FYB2: variants seen among roughly 807,000 people sequenced by gnomAD.
The protein encoded by FYB2 is FYN binding protein 2.
FYB2 carries 103 observed loss-of-function variants against 94.1 expected under a neutral mutation model. The ratio of observed to expected loss-of-function variants is 1.09; its 90% CI spans 0.93 to 1.29. The LOEUF (loss-of-function observed/expected upper bound fraction) is 1.29, where lower values mean the gene tolerates loss of function less well. FYB2 is among the 50% of genes most tolerant of loss of function. The pLI is 0.00. For synonymous variants in FYB2, 293 were observed against 287.9 expected (o/e 1.02, Z -0.18); for missense variants, 896 against 841.5 (o/e 1.06, Z -0.80).
At chr1:56,807,388 A>G (rs1222269991) in intron 1 of FYB2, among the ~76,000 whole-genome samples, 1 of 152,174 alleles carries the variant, frequency 6.6e-6, no homozygotes, top group Non-Finnish European at 1.5e-5. Context: ...GAAATCAGAG[A>G]CACCATTCTA....
intron 16 of FYB2, among the ~76,000 whole-genome samples, chr1:56,723,971 T>G (rs1047680014): frequency 1.3e-4 from 20 of 151,948 alleles, no homozygotes; most frequent in Non-Finnish European, 2.4e-4. Flanking sequence ...ATATTTTTGA[T>G]GGCAAGATAA....
intron 9 of FYB2, 57 bp downstream of exon 9, chr1:56,750,987 G>A: frequency 6.4e-7 from 1 of 1,562,822 alleles, no homozygotes; most frequent in Non-Finnish European, 8.7e-7. Context: ...TTTTGGCCAT[G>A]CTCAGCTATA....
chr1:56,768,039 C>G, intron 4 of FYB2, 101 bp from the exon 5 acceptor site: 1 of 849,104 alleles, frequency 1.2e-6, no homozygotes, highest in Non-Finnish European at 1.8e-6. Flanking sequence ...GTGTGTCTGG[C>G]CAATATGGTG....
In FYB2 at chr1:56,792,106, C is replaced by A. The variant is rs1246388609; in HGVS notation, c.707G>T (p.Ser236Ile). The change falls in exon 2 of 20, where the codon AGC becomes ATC. Residue 236 changes from serine to isoleucine, a missense_variant. Transcript: ENST00000343433. ...CTCATAGATGGGCTGGCAGGGGCTG[C>A]TTGCCGGGCTCCTCTCAGGAGGTGG... Reference protein sequence around the residue: ...ENPPPERSPASSPCQPIYECE... With the variant: ...ENPPPERSPAISPCQPIYECE... 1 of 1,610,148 alleles carries A rather than the reference C, an allele frequency of 6.2e-7. No homozygotes were observed.
chr1:56,734,643 TCA>T (rs1644791331), intron 15 of FYB2, among the ~76,000 whole-genome samples: 1 of 151,816 alleles, frequency 6.6e-6, no homozygotes, highest in African/African-American at 2.4e-5. Flanking sequence ...GTGGGGAACA[TCA>T]CACACTGGGG....
chr1:56,779,036 G>A (rs1191255278), intron 4 of FYB2, among the ~76,000 whole-genome samples: 1 of 152,094 alleles, frequency 6.6e-6, no homozygotes, highest in Non-Finnish European at 1.5e-5. Context: ...ATTGGTCAGG[G>A]AAGTTTGTTG....
intron 1 of FYB2, among the ~76,000 whole-genome samples, chr1:56,812,698 T>C (rs1346511099): frequency 1.3e-5 from 2 of 152,138 alleles, no homozygotes; most frequent in Non-Finnish European, 2.9e-5. Flanking sequence ...CTGACCATGG[T>C]CGCAGGATCA....
intron 17 of FYB2, 117 bp downstream of exon 17, chr1:56,723,471 A>G: frequency 1.8e-6 from 1 of 551,358 alleles, no homozygotes; most frequent in East Asian, 3.4e-5. Context: ...TTTTTGTGTC[A>G]AAGATCATGT....
intron 9 of FYB2, among the ~76,000 whole-genome samples, 175 bp downstream of exon 9, chr1:56,750,869 C>T (rs1645180472): frequency 6.6e-6 from 1 of 152,044 alleles, no homozygotes. Flanking sequence ...CTCAAGACTT[C>T]TGCTTTTCAA....
chr1:56,826,058 G>T, the FYB2 span, among the ~76,000 whole-genome samples: 4 of 152,180 alleles, frequency 2.6e-5, no homozygotes, highest in Non-Finnish European at 5.9e-5. Flanking sequence ...CCCACAGTGG[G>T]TGCCCGATGG....
At chr1:56,745,345 G>A (rs1645044173) in intron 9 of FYB2, among the ~76,000 whole-genome samples, 1 of 151,914 alleles carries the variant, frequency 6.6e-6, no homozygotes. Context: ...CCTTTTGGTT[G>A]TCTAAACATA....
In FYB2 at chr1:56,767,854, C is replaced by T; in HGVS notation, c.1038G>A (p.Leu346=). Residue 346 remains leucine (L), a synonymous_variant, in exon 5 of 20, where the codon CTG becomes CTA. Coordinates refer to ENST00000343433, the MANE Select transcript of FYB2 (RefSeq NM_001004303.5). ...YLRHSGNSIN[L]CTAKEIADPT... ...GATCAGCAATTTCTTTTGCAGTGCA[C>T]AGGTTAATGGAGTTGCCAGAGTGTC... 6.2e-7 allele frequency: 1 copy of T among 1,611,056 alleles called. No individual in the cohort carries two copies. The highest frequency in any genetic ancestry group is 1.3e-5 in the African/African-American group (1 of 74,912).
At chr1:56,768,729 G>GA (rs1394194856) in intron 4 of FYB2, among the ~76,000 whole-genome samples, 2 of 152,148 alleles carry the variant, frequency 1.3e-5, no homozygotes, top group African/African-American at 2.4e-5. Flanking sequence ...AGTGAAAACT[G>GA]AAAATCACAC....
At chr1:56,785,141 C>T (rs568625018) in intron 4 of FYB2, among the ~76,000 whole-genome samples, 1 of 152,318 alleles carries the variant, frequency 6.6e-6, no homozygotes, top group South Asian at 2.1e-4. Context: ...CATGTGGAGA[C>T]TGACTAATGG....
chr1:56,792,107 T>C lies in FYB2; in HGVS notation c.706A>G (p.Ser236Gly). 3.7e-6 allele frequency: 6 copies of C among 1,610,784 alleles called. No homozygotes were observed. Among genetic ancestry groups the C allele is most frequent in the Non-Finnish European group, 5.1e-6 (6 of 1,178,894 alleles). The change falls in exon 2 of 20, where the codon AGC becomes GGC. Residue 236 changes from serine (S) to glycine (G), a missense_variant. Physicochemically the swap from Ser to Gly is moderately conservative, Grantham distance 56. Coordinates refer to ENST00000343433, the MANE Select transcript of FYB2 (RefSeq NM_001004303.5). Reference sequence around the variant, plus strand: ...TCATAGATGGGCTGGCAGGGGCTGCTTGCCGGGCTCCTCTCAGGAGGTGGG... The same window carrying C: ...TCATAGATGGGCTGGCAGGGGCTGCCTGCCGGGCTCCTCTCAGGAGGTGGG... The part of the protein sequence containing the change: ...ENPPPERSPA[S>G]SPCQPIYECE...
intron 1 of FYB2, among the ~76,000 whole-genome samples, chr1:56,807,530 G>T (rs1461003316): frequency 6.6e-6 from 1 of 152,226 alleles, no homozygotes; most frequent in Non-Finnish European, 1.5e-5. Context: ...TCATTTTTAA[G>T]ATCTGGAGTG....
At position 56,809,111 on chromosome 1, in the gene FYB2, T is replaced by C. The variant is rs57684746; in HGVS notation, c.9+10171A>G. ...ACCATGTGAACAGCACCTATTGGAG[T>C]TGTGCAACTCAGTGGCCCCACTGCA... On this transcript the variant is annotated intron_variant, in intron 1 of 19. Coordinates refer to ENST00000343433, the MANE Select transcript of FYB2 (RefSeq NM_001004303.5). Among the ~76,000 whole-genome samples the C allele has an allele frequency of 1.2e-3, 190 of 152,146 alleles. 2 individuals carry two copies. Among genetic ancestry groups the C allele is most frequent in the South Asian group, 0.012 (56 of 4,816 alleles).
chr1:56,797,119 A>G (rs1383194187), intron 1 of FYB2, among the ~76,000 whole-genome samples: 1 of 152,146 alleles, frequency 6.6e-6, no homozygotes, highest in African/African-American at 2.4e-5. Context: ...CCCCAGCTTA[A>G]ACAGTCAGCC....
At chr1:56,826,373 C>T in the FYB2 span, among the ~76,000 whole-genome samples, 3 of 152,216 alleles carry the variant, frequency 2.0e-5, no homozygotes, top group Non-Finnish European at 1.5e-5. Flanking sequence ...AAATCCTTCC[C>T]AGGACATACA....
Sources: allele counts gnomAD v4.1 joint callset (sites outside exome capture counted in the v4.1 genomes callset), GRCh38; gene constraint gnomAD v4.1.1; transcripts MANE v1.5; gene names NCBI Gene and HGNC (gene_info 2026-07-23, HGNC 2026-07-21).